Variants in ANKS6 observed in about 807,000 individuals in gnomAD.
ANKS6 encodes the protein ankyrin repeat and SAM domain-containing protein 6.
A neutral mutation model predicts 77.9 loss-of-function variants in ANKS6; 47 were observed. The observed-to-expected ratio is 0.60, with a 90% confidence interval of 0.48 to 0.77. The LOEUF is 0.77. ANKS6 is among the 30% of genes least tolerant of loss of function. The pLI is 0.00. For synonymous variants in ANKS6, 488 were observed against 501.7 expected (o/e 0.97, Z 0.37); for missense variants, 1,150 against 1,159.1 (o/e 0.99, Z 0.11).
intron 14 of ANKS6, among the ~76,000 whole-genome samples, chr9:98,740,082 T>C (rs1238313657): frequency 6.6e-6 from 1 of 152,174 alleles, no homozygotes; most frequent in Non-Finnish European, 1.5e-5. Context: ...ATTAAAAATG[T>C]ATCATCTCTG....
chr9:98,739,279 T>A (rs1311048297), intron 14 of ANKS6, among the ~76,000 whole-genome samples: 3 of 151,936 alleles, frequency 2.0e-5, no homozygotes, highest in Non-Finnish European at 4.4e-5. Context: ...AAATAAAAAA[T>A]TAAAAACAAC....
chr9:98,785,604 G>C (rs1834520468), intron 2 of ANKS6, among the ~76,000 whole-genome samples: 1 of 152,292 alleles, frequency 6.6e-6, no homozygotes, highest in Middle Eastern at 3.4e-3. Flanking sequence ...GCTTGGGCCA[G>C]CAGGTACCCC....
In ANKS6 at chr9:98,736,161, G is replaced by C; in HGVS notation, c.*358C>G. 8.6e-7 allele frequency: 1 copy of C among 1,159,126 alleles called. No individual in the cohort carries two copies. The allele number at this position is 1,159,126 out of a possible 1,614,324, so 71.8% of individuals were successfully genotyped here. ...TTAAGAGCAAGGCAGGTAAGAAGCA[G>C]CCGTGCCTTCTCCATCGTCCCTTTC... On this transcript the variant is annotated 3_prime_UTR_variant, in exon 15 of 15. Coordinates refer to ENST00000353234, the MANE Select transcript of ANKS6 (RefSeq NM_173551.5).
At position 98,796,501 on chromosome 9, in the gene ANKS6, C is replaced by T; in HGVS notation, c.-10G>A. ...GCCCGCCCTCGCCCATCGCCGCCGC[C>T]ACGCGCGGCCCGCTCCCGTCCGCCC... On this transcript the variant is annotated 5_prime_UTR_variant, in exon 1 of 15. Transcript: ENST00000353234. 2.0e-6 allele frequency: 2 copies of T among 987,502 alleles called. No individual in the cohort carries two copies. Among genetic ancestry groups the T allele is most frequent in the Non-Finnish European group, 2.4e-6 (2 of 832,704 alleles). 61.2% of individuals were successfully genotyped at this position (987,502 alleles called of 1,614,324 possible). A position where few individuals can be genotyped will look rare whatever the true frequency, so the allele number is the denominator to read the frequency against.
intron 1 of ANKS6, among the ~76,000 whole-genome samples, chr9:98,793,583 C>T (rs1488310151): frequency 2.0e-5 from 3 of 151,908 alleles, no homozygotes; most frequent in East Asian, 2.0e-4. Context: ...TGCAGTGGCG[C>T]GATCTCAGCT....
At position 98,733,448 on chromosome 9, in the gene ANKS6, C is replaced by G; in HGVS notation, c.*3071G>C. The G allele has an allele frequency of 1.0e-6, 1 of 985,468 alleles. No homozygotes were observed. Among genetic ancestry groups the G allele is most frequent in the Non-Finnish European group, 1.2e-6 (1 of 829,986 alleles). 61.0% of individuals were successfully genotyped at this position (985,468 alleles called of 1,614,324 possible). Reference sequence around the variant, plus strand: ...GAGAGCTCTCAGAACAGGGACCCTGCCATCTCAAAGCAGGACCGGTCCCCT... The same window carrying G: ...GAGAGCTCTCAGAACAGGGACCCTGGCATCTCAAAGCAGGACCGGTCCCCT... On this transcript the variant is annotated 3_prime_UTR_variant, in exon 15 of 15. Transcript: ENST00000353234.
chr9:98,733,020 AT>A lies in ANKS6; in HGVS notation c.*3498del. The stretch of plus-strand genomic sequence containing the variant: ...CCAGGCTGAGCCTGAGCCATCATCG[AT>A]GACTTTCCCTGAGCTGTATACCCAG... On this transcript the variant is annotated 3_prime_UTR_variant, in exon 15 of 15. Transcript: ENST00000353234. The A allele has an allele frequency of 4.4e-6, 4 of 901,986 alleles. No individual in the cohort carries two copies. Among genetic ancestry groups the A allele is most frequent in the Non-Finnish European group, 5.4e-6 (4 of 746,532 alleles). The allele number at this position is 901,986 out of a possible 1,614,324, so 55.9% of individuals were successfully genotyped here.
At chr9:98,768,671 G>A (rs1417851131) in intron 10 of ANKS6, among the ~76,000 whole-genome samples, 1 of 152,136 alleles carries the variant, frequency 6.6e-6, no homozygotes. Flanking sequence ...GTGAGTGATT[G>A]GTCCCTCACC....
intron 10 of ANKS6, 59 bp from the exon 11 acceptor site, chr9:98,768,309 G>C (rs764561205): frequency 6.3e-7 from 1 of 1,582,966 alleles, no homozygotes; most frequent in Admixed American, 1.7e-5. Context: ...CCAACACAAG[G>C]GTGGTGGACT....
chr9:98,745,496 C>G (rs1224439510), intron 14 of ANKS6, 63 bp downstream of exon 14: 1 of 1,490,480 alleles, frequency 6.7e-7, no homozygotes, highest in Non-Finnish European at 9.4e-7. Context: ...CCCAAGATCC[C>G]AGGACCCTGG....
intron 3 of ANKS6, 134 bp from the exon 4 acceptor site, chr9:98,784,291 A>G (rs1834443128): frequency 1.3e-6 from 1 of 781,458 alleles, no homozygotes; most frequent in South Asian, 2.2e-5. Flanking sequence ...CATAGGGGAT[A>G]CTAAGAGGGC....
chr9:98,770,037 T>G (rs189576231), intron 10 of ANKS6, among the ~76,000 whole-genome samples: 1 of 152,302 alleles, frequency 6.6e-6, no homozygotes, highest in East Asian at 1.9e-4. Context: ...TGATATGGTT[T>G]GGCTGTGTCC....
chr9:98,782,568 T>G lies in ANKS6; in HGVS notation c.1118A>C (p.Lys373Thr). 6.2e-7 allele frequency: 1 copy of G among 1,613,768 alleles called. No individual in the cohort carries two copies. Among genetic ancestry groups the G allele is most frequent in the Non-Finnish European group, 8.5e-7 (1 of 1,179,690 alleles). Residue 373 changes from lysine (K) to threonine (T), a missense_variant, in exon 5 of 15, where the codon AAG becomes ACG. Physicochemically the swap from Lys to Thr is moderately conservative, Grantham distance 78. Transcript: ENST00000353234. The part of the protein sequence containing the change: ...ALMQATYHGN[K>T]EIVKYLLNQG... ...GTTTAGCAGATATTTCACAATTTCC[T>G]TATTCCTGGGAAAAAATGCTAGAGT...
chr9:98,754,650 A>C (rs1172911448), intron 12 of ANKS6, among the ~76,000 whole-genome samples: 2 of 152,030 alleles, frequency 1.3e-5, no homozygotes, highest in African/African-American at 2.4e-5. Flanking sequence ...TCAAAAAAAA[A>C]AAAGCTCTTC....
At chr9:98,760,640 C>A (rs1346435978) in intron 11 of ANKS6, among the ~76,000 whole-genome samples, 1 of 152,202 alleles carries the variant, frequency 6.6e-6, no homozygotes, top group African/African-American at 2.4e-5. Flanking sequence ...TAAATGGAAT[C>A]ACACAATTTG....
intron 1 of ANKS6, 135 bp from the exon 2 acceptor site, chr9:98,790,741 T>C (rs1256487109): frequency 4.9e-6 from 6 of 1,220,340 alleles, no homozygotes; most frequent in Non-Finnish European, 4.5e-6. Flanking sequence ...CGCCAGGCAC[T>C]GTGCCAGCCA....
rs1216153490 is a variant in ANKS6 at position 98,784,872 on chromosome 9, C to T, written c.867G>A (p.Glu289=). 2.7e-5 allele frequency: 44 copies of T among 1,613,186 alleles called. No individual in the cohort carries two copies. The highest frequency in any genetic ancestry group is 3.7e-5 in the Non-Finnish European group (44 of 1,179,748). Residue 289 remains glutamate, a synonymous_variant, in exon 3 of 15, where the codon GAG becomes GAA. Coordinates refer to ENST00000353234, the MANE Select transcript of ANKS6 (RefSeq NM_173551.5). Reference sequence around the variant, plus strand: ...GGAAAATATCAGGTCGCCTTTTCTCCTCATCTGGGTAAACAAAGATTTTTA... The same window carrying T: ...GGAAAATATCAGGTCGCCTTTTCTCTTCATCTGGGTAAACAAAGATTTTTA... The part of the protein sequence containing the change: ...PLTTVRPKTD[E]EKRRPDIFHA...
chr9:98,735,005 A>G lies in ANKS6; in HGVS notation c.*1514T>C, dbSNP rs1831416432. ...AAGTTAACGACAGCCTCTGAAAGCC[A>G]GCATAGGGGAATGGGCTTTCATGGC... On this transcript the variant is annotated 3_prime_UTR_variant, in exon 15 of 15. Coordinates refer to ENST00000353234, the MANE Select transcript of ANKS6 (RefSeq NM_173551.5). The G allele has an allele frequency of 1.0e-6, 1 of 985,470 alleles. No homozygotes were observed. 61.0% of individuals were successfully genotyped at this position (985,470 alleles called of 1,614,324 possible).
At chr9:98,790,038 T>G (rs976698328) in intron 2 of ANKS6, 66 bp downstream of exon 2, 12 of 1,506,522 alleles carry the variant, frequency 8.0e-6, no homozygotes, top group Admixed American at 2.2e-5. Context: ...AGAGCAATCC[T>G]CAGCTTAAGC....
Sources: gnomAD v4.1 joint callset for allele counts (sites outside exome capture counted in the v4.1 genomes callset) on GRCh38, gnomAD v4.1.1 for gene constraint, MANE v1.5 for transcripts, NCBI Gene and HGNC (gene_info 2026-07-23, HGNC 2026-07-21) for gene names.